The following HEATR5A variants were observed in gnomAD, a reference collection of about 807,000 sequenced individuals.
The protein encoded by HEATR5A is HEAT repeat-containing protein 5A.
HEATR5A carries 178 observed loss-of-function variants against 218.8 expected under a neutral mutation model. The observed-to-expected ratio is 0.81, with a 90% CI of 0.72 to 0.92. The LOEUF is 0.92. Ranked by LOEUF, HEATR5A falls within the 40% of genes least tolerant of loss-of-function variation. The pLI, the probability that HEATR5A is intolerant of heterozygous loss-of-function variation, is 0.00. For synonymous variants in HEATR5A, 864 were observed against 871.6 expected (o/e 0.99, Z 0.15); for missense variants, 2,420 against 2,418.9 (o/e 1.00, Z -0.01).
At chr14:31,413,316 G>A (rs779168644) in intron 1 of HEATR5A, among the ~76,000 whole-genome samples, 2 of 151,946 alleles carry the variant, frequency 1.3e-5, no homozygotes, top group African/African-American at 2.4e-5. Flanking sequence ...ATTTAACACC[G>A]GGACAAGAAA....
intron 28 of HEATR5A, among the ~76,000 whole-genome samples, chr14:31,311,722 T>C (rs1311817685): frequency 1.3e-5 from 2 of 152,226 alleles, no homozygotes; most frequent in East Asian, 3.8e-4. Context: ...ACAATTGTTA[T>C]AAATGAATTT....
intron 23 of HEATR5A, among the ~76,000 whole-genome samples, chr14:31,325,652 G>C (rs1900243880): frequency 6.6e-6 from 1 of 151,882 alleles, no homozygotes; most frequent in African/African-American, 2.4e-5. Context: ...GGGACTACAG[G>C]TGTGAGCCAC....
intron 2 of HEATR5A, among the ~76,000 whole-genome samples, chr14:31,401,092 G>A (rs145821977): frequency 0.089 from 13,498 of 151,948 alleles, 695 homozygotes; most frequent in East Asian, 0.16. Context: ...ACCCACCTCG[G>A]CCTCCCAAAG....
At chr14:31,330,436 CTGT>C (rs1900424652) in intron 22 of HEATR5A, among the ~76,000 whole-genome samples, 1 of 152,110 alleles carries the variant, frequency 6.6e-6, no homozygotes, top group Non-Finnish European at 1.5e-5. Flanking sequence ...CTGGGAGGGG[CTGT>C]TGTTGAGGTC....
At position 31,358,879 on chromosome 14, in the gene HEATR5A, A is replaced by G. The variant is rs1256101279; in HGVS notation, c.2235+15T>C. 4 of 1,599,576 alleles carry G rather than the reference A, an allele frequency of 2.5e-6. No homozygotes were observed. Among genetic ancestry groups the G allele is most frequent in the Non-Finnish European group, 3.4e-6 (4 of 1,173,924 alleles). ...TCACAGATTGAATCTAATCAAGAGT[A>G]AAAAATGGCCATACCTGTTCTTCAA... On this transcript the variant is annotated intron_variant, in intron 15 of 35. Coordinates refer to ENST00000543095, the MANE Select transcript of HEATR5A (RefSeq NM_015473.4).
At chr14:31,296,150 T>C (rs904293028) in intron 33 of HEATR5A, 87 bp from the exon 34 acceptor site, 1 of 1,081,666 alleles carries the variant, frequency 9.2e-7, no homozygotes. Flanking sequence ...TAGTAACAGT[T>C]TGGTGTACAC....
intron 24 of HEATR5A, among the ~76,000 whole-genome samples, chr14:31,322,146 A>G (rs1900127663): frequency 6.6e-6 from 1 of 152,238 alleles, no homozygotes; most frequent in African/African-American, 2.4e-5. Flanking sequence ...ACTGCCAAAC[A>G]TACAAATGGT....
chr14:31,335,424 ATCT>A (rs1486131166), intron 22 of HEATR5A, among the ~76,000 whole-genome samples: 1 of 151,756 alleles, frequency 6.6e-6, no homozygotes, highest in Non-Finnish European at 1.5e-5. Context: ...GGCTAAAGTG[ATCT>A]TCTCACCTCA....
chr14:31,354,550 G>T (rs1482834071), intron 16 of HEATR5A, among the ~76,000 whole-genome samples: 1 of 152,146 alleles, frequency 6.6e-6, no homozygotes, highest in Non-Finnish European at 1.5e-5. Context: ...AGATGGAGAT[G>T]AGTTATTTTT....
chr14:31,377,149 T>C (rs545580838), intron 11 of HEATR5A, among the ~76,000 whole-genome samples: 19 of 138,868 alleles, frequency 1.4e-4, no homozygotes, highest in Middle Eastern at 3.8e-3. Flanking sequence ...AAAAAAAAAA[T>C]TCCATTTCCT....
intron 22 of HEATR5A, among the ~76,000 whole-genome samples, chr14:31,329,789 C>T (rs1218210378): frequency 6.6e-6 from 1 of 152,130 alleles, no homozygotes; most frequent in South Asian, 2.1e-4. Flanking sequence ...CTCGGCTCAC[C>T]GCAACCTCCA....
chr14:31,309,158 GTC>G lies in HEATR5A; in HGVS notation c.4464_4465del (p.Glu1488AspfsTer2), dbSNP rs1231133890. The G allele has an allele frequency of 6.2e-7, 1 of 1,613,760 alleles. No individual in the cohort carries two copies. The highest frequency in any genetic ancestry group is 1.3e-5 in the African/African-American group (1 of 74,926). ...ATAATGCAATTTTGCATTTTCACTAGTCTCTGCTGTGTAGAAAGCACCACCTA... is the reference window on the plus strand; with the variant it reads ...ATAATGCAATTTTGCATTTTCACTAGTCTGCTGTGTAGAAAGCACCACCTA... On this transcript the variant is annotated frameshift_variant, in exon 29 of 36. Coordinates refer to ENST00000543095, the MANE Select transcript of HEATR5A (RefSeq NM_015473.4). LOFTEE classifies it high-confidence loss of function.
rs1213061363 is a variant in HEATR5A, at chr14:31,413,453, A to T, written c.-75+7019T>A. On this transcript the variant is annotated intron_variant, in intron 1 of 35. Coordinates refer to ENST00000543095, the MANE Select transcript of HEATR5A (RefSeq NM_015473.4). ...GAATGAGAAAAATGGTAGAAGCTGG[A>T]TTCCATGATGGCGAGATTGCCAGTG... Among the ~76,000 whole-genome samples, 3 of 149,834 alleles carry T rather than the reference A, an allele frequency of 2.0e-5. No individual in the cohort carries two copies. In the East Asian group the frequency reaches 5.9e-4, roughly 29 times the overall value.
At position 31,306,783 on chromosome 14, in the gene HEATR5A, T is replaced by C; in HGVS notation, c.4915A>G (p.Ile1639Val). Residue 1639 changes from isoleucine (I) to valine (V), a missense_variant, in exon 31 of 36, where the codon ATT becomes GTT. Transcript: ENST00000543095. ...QLASLEVVRQIICAAQEHVKE... is the reference protein window; with the variant it reads ...QLASLEVVRQVICAAQEHVKE... ...ACATGTTCTTGAGCAGCACAGATAA[T>C]CTGCCTTACCACTTCAAGTGAAGCC... The C allele has an allele frequency of 6.2e-7, 1 of 1,613,790 alleles. No individual in the cohort carries two copies.
At position 31,302,243 on chromosome 14, in the gene HEATR5A, T is replaced by C. The variant is rs115774848; in HGVS notation, c.5464+52A>G. On this transcript the variant is annotated intron_variant, in intron 33 of 35. Coordinates refer to ENST00000543095, the MANE Select transcript of HEATR5A (RefSeq NM_015473.4). ...AAAATATCTTATCCTCAAAAAACTC[T>C]TCTTCTCACTTTTTAAGACAAACTG... The C allele has an allele frequency of 1.5e-3, 1,949 of 1,317,964 alleles. 19 individuals are homozygous for C. In the African/African-American group the frequency reaches 0.025, roughly 17 times the overall value. The allele number at this position is 1,317,964 out of a possible 1,614,324, so 81.6% of individuals were successfully genotyped here.
At chr14:31,390,217 G>A (rs982883619) in intron 6 of HEATR5A, among the ~76,000 whole-genome samples, 1 of 152,112 alleles carries the variant, frequency 6.6e-6, no homozygotes, top group Non-Finnish European at 1.5e-5. Context: ...CAGAGTGTAA[G>A]GATGGTAAGA....
At chr14:31,298,016 C>A (rs1777909615) in intron 33 of HEATR5A, among the ~76,000 whole-genome samples, 2 of 152,138 alleles carry the variant, frequency 1.3e-5, no homozygotes, top group South Asian at 4.1e-4. Context: ...CTCCTGGGTT[C>A]CTTTTACCAT....
chr14:31,320,731 T>G, intron 25 of HEATR5A: 1 of 352,402 alleles, frequency 2.8e-6, no homozygotes, highest in South Asian at 2.6e-5. Flanking sequence ...GTTTTTTTAT[T>G]TTTGTTTTCT....
chr14:31,340,552 G>A (rs1210964462), intron 21 of HEATR5A: 1 of 883,792 alleles, frequency 1.1e-6, no homozygotes, highest in Non-Finnish European at 1.6e-6. Flanking sequence ...ACAACAGTCA[G>A]CTAAGCATTA....
Sources: gnomAD v4.1 joint callset for allele counts (sites outside exome capture counted in the v4.1 genomes callset) on GRCh38, gnomAD v4.1.1 for gene constraint, MANE v1.5 for transcripts, NCBI Gene and HGNC (gene_info 2026-07-23, HGNC 2026-07-21) for gene names.